The following FBXL7 variants were observed in gnomAD, a reference collection of about 807,000 sequenced individuals.
FBXL7 encodes F-box/LRR-repeat protein 7.
FBXL7 carries 12 observed loss-of-function variants against 38.3 expected under a neutral mutation model. That is an observed-to-expected ratio of 0.31 (90% confidence interval 0.20 to 0.51). The LOEUF (loss-of-function observed/expected upper bound fraction) is 0.51. Among genes scored for constraint, FBXL7 ranks in the 20% least tolerant of loss-of-function variants. The probability of loss-of-function intolerance (pLI) is 0.98; values close to 1 mark genes in which losing one functional copy is unlikely to be tolerated. For synonymous variants in FBXL7, 297 were observed against 300.9 expected (o/e 0.99, Z 0.13); for missense variants, 567 against 676.4 (o/e 0.84, Z 1.79).
intron 2 of FBXL7, among the ~76,000 whole-genome samples, chr5:15,814,709 C>G (rs1737968632): frequency 6.6e-6 from 1 of 151,684 alleles, no homozygotes; most frequent in Non-Finnish European, 1.5e-5. Flanking sequence ...TTTGTGATAC[C>G]AAATTTAATA....
intron 1 of FBXL7, among the ~76,000 whole-genome samples, chr5:15,538,662 T>C (rs973701255): frequency 6.6e-6 from 1 of 152,214 alleles, no homozygotes; most frequent in Non-Finnish European, 1.5e-5. Flanking sequence ...TGATACTCTG[T>C]CTTCCTTGTC....
At chr5:15,747,979 C>T (rs1736057693) in intron 2 of FBXL7, among the ~76,000 whole-genome samples, 1 of 152,196 alleles carries the variant, frequency 6.6e-6, no homozygotes, top group African/African-American at 2.4e-5. Context: ...GGCCCTTACC[C>T]AGTCCCAATC....
At chr5:15,603,310 A>G (rs1240494443) in intron 1 of FBXL7, among the ~76,000 whole-genome samples, 1 of 152,224 alleles carries the variant, frequency 6.6e-6, no homozygotes, top group African/African-American at 2.4e-5. Context: ...TAGGATGATT[A>G]ATAGCTAATT....
At chr5:15,550,733 C>G (rs1738042001) in intron 1 of FBXL7, among the ~76,000 whole-genome samples, 1 of 152,210 alleles carries the variant, frequency 6.6e-6, no homozygotes, top group Non-Finnish European at 1.5e-5. Flanking sequence ...TGTGGCAACC[C>G]AAGTTCTCCC....
intron 2 of FBXL7, among the ~76,000 whole-genome samples, chr5:15,804,828 C>G (rs1737662100): frequency 6.6e-6 from 1 of 152,166 alleles, no homozygotes; most frequent in South Asian, 2.1e-4. Context: ...GTTTCATCCC[C>G]AAACCATCCC....
At chr5:15,708,192 A>T (rs1000696023) in intron 2 of FBXL7, among the ~76,000 whole-genome samples, 8 of 152,226 alleles carry the variant, frequency 5.3e-5, no homozygotes, top group Non-Finnish European at 1.5e-5. Context: ...TTATACAAAA[A>T]ACATAAATCT....
chr5:15,607,659 C>T (rs1187889750), intron 1 of FBXL7, among the ~76,000 whole-genome samples: 1 of 152,130 alleles, frequency 6.6e-6, no homozygotes, highest in Admixed American at 6.5e-5. Context: ...CAAGGGAATG[C>T]GTGATAGGAA....
intron 1 of FBXL7, among the ~76,000 whole-genome samples, chr5:15,608,726 C>T (rs1239894908): frequency 6.6e-6 from 1 of 152,180 alleles, no homozygotes; most frequent in Non-Finnish European, 1.5e-5. Flanking sequence ...CAACTTCTGC[C>T]TGGGTTTCCA....
chr5:15,501,142 AAGG>A (rs1187869829), intron 1 of FBXL7, among the ~76,000 whole-genome samples: 1 of 152,036 alleles, frequency 6.6e-6, no homozygotes, highest in Admixed American at 6.6e-5. Flanking sequence ...AAACTTCTGG[AAGG>A]AGAAGTTAAG....
chr5:15,513,481 G>T (rs903177062), intron 1 of FBXL7, among the ~76,000 whole-genome samples: 7 of 152,218 alleles, frequency 4.6e-5, no homozygotes, highest in Non-Finnish European at 1.0e-4. Context: ...CAACTGCCTT[G>T]TGAACAAAGG....
chr5:15,562,935 G>A (rs538765850), intron 1 of FBXL7, among the ~76,000 whole-genome samples: 77 of 152,246 alleles, frequency 5.1e-4, no homozygotes, highest in African/African-American at 1.8e-3. Context: ...TATGCAGAAA[G>A]GAAGAGTGAA....
chr5:15,706,957 T>C (rs1049661448), intron 2 of FBXL7, among the ~76,000 whole-genome samples: 4 of 152,048 alleles, frequency 2.6e-5, no homozygotes, highest in African/African-American at 9.7e-5. Flanking sequence ...AGGGCCTAAC[T>C]AATGATATGA....
intron 2 of FBXL7, among the ~76,000 whole-genome samples, chr5:15,704,121 GAGA>G (rs1279992365): frequency 6.6e-6 from 1 of 152,164 alleles, no homozygotes; most frequent in Non-Finnish European, 1.5e-5. Flanking sequence ...GGAGAGTGCT[GAGA>G]AGGAGGAGGG....
chr5:15,653,177 T>C (rs920637503), intron 2 of FBXL7, among the ~76,000 whole-genome samples: 1 of 152,154 alleles, frequency 6.6e-6, no homozygotes, highest in African/African-American at 2.4e-5. Flanking sequence ...AAATTAATAA[T>C]GAAAAACTTT....
At chr5:15,880,920 A>T (rs997384048) in intron 2 of FBXL7, among the ~76,000 whole-genome samples, 1 of 151,758 alleles carries the variant, frequency 6.6e-6, no homozygotes, top group Non-Finnish European at 1.5e-5. Context: ...TTATTCTATG[A>T]TTCTAGTACT....
At chr5:15,741,543 C>A (rs1172813140) in intron 2 of FBXL7, among the ~76,000 whole-genome samples, 1 of 152,116 alleles carries the variant, frequency 6.6e-6, no homozygotes, top group African/African-American at 2.4e-5. Flanking sequence ...TTGAAAGATT[C>A]TTCCTTGCTT....
chr5:15,774,649 A>C (rs986124966), intron 2 of FBXL7, among the ~76,000 whole-genome samples: 1 of 152,226 alleles, frequency 6.6e-6, no homozygotes, highest in South Asian at 2.1e-4. Context: ...ACTTTAATGA[A>C]ACCATATTAA....
intron 2 of FBXL7, among the ~76,000 whole-genome samples, chr5:15,883,324 T>G (rs1287934765): frequency 2.0e-5 from 3 of 152,222 alleles, no homozygotes; most frequent in Non-Finnish European, 2.9e-5. Context: ...TCTTTAATTT[T>G]TGTTTTTTCT....
chr5:15,500,617 G>T lies in FBXL7; in HGVS notation c.-60G>T, dbSNP rs1006274799. On this transcript the variant is annotated 5_prime_UTR_variant, in exon 1 of 4. Coordinates refer to ENST00000504595, the MANE Select transcript of FBXL7 (RefSeq NM_012304.5). ...GGCGGGCTTTCCTCGGGCCGAGCGC[G>T]CAGGACGTGCGCCGCAGCTATGGAG... 5.0e-6 allele frequency: 8 copies of T among 1,610,616 alleles called. No homozygotes were observed. The African/African-American group carries it at 5.4e-5, about 11-fold the overall frequency.
Sources: allele counts gnomAD v4.1 joint callset (sites outside exome capture counted in the v4.1 genomes callset), GRCh38; gene constraint gnomAD v4.1.1; transcripts MANE v1.5; gene names NCBI Gene and HGNC (gene_info 2026-07-23, HGNC 2026-07-21).